The following CUZD1 variants were observed in gnomAD, a reference collection of about 807,000 sequenced individuals.
CUZD1 encodes the protein CUB and zona pellucida like domains 1, also known as CUB and zona pellucida-like domain-containing protein 1.
A neutral mutation model predicts 53.1 loss-of-function variants in CUZD1; 42 were observed. The ratio of observed to expected loss-of-function variants is 0.79; its 90% CI spans 0.62 to 1.02. The LOEUF (loss-of-function observed/expected upper bound fraction) is 1.02. Ranked by LOEUF, CUZD1 falls within the 50% of genes least tolerant of loss-of-function variation. The pLI is 0.00. For synonymous variants in CUZD1, 238 were observed against 257.2 expected, an observed-to-expected ratio of 0.93 and a Z score of 0.71; for missense variants, 670 against 715.7, an observed-to-expected ratio of 0.94 and a Z score of 0.73.
chr10:122,838,132 G>C (rs1392249285), intron 3 of CUZD1: 1 of 152,582 alleles, frequency 6.6e-6, no homozygotes, highest in Non-Finnish European at 1.5e-5. Flanking sequence ...ATGAAATGTG[G>C]AGAAACAATG....
chr10:122,841,122 C>T, intron 2 of CUZD1, 56 bp downstream of exon 2: 1 of 1,530,460 alleles, frequency 6.5e-7, no homozygotes, highest in Non-Finnish European at 8.9e-7. Context: ...CCCCTACCCA[C>T]CCCAATGTGG....
At position 122,833,795 on chromosome 10, in the gene CUZD1, A is replaced by G; in HGVS notation, c.1528T>C (p.Ser510Pro). 9 of 1,614,050 alleles carry G rather than the reference A, an allele frequency of 5.6e-6. No individual in the cohort carries two copies. The highest frequency in any genetic ancestry group is 6.8e-6 in the Non-Finnish European group (8 of 1,179,980). Reference sequence around the variant, plus strand: ...GAGACACAACCTTGATTGCAGCGAGACTGGTGGTCACTGCTATCACATATC... The same window carrying G: ...GAGACACAACCTTGATTGCAGCGAGGCTGGTGGTCACTGCTATCACATATC... ...VLICDSSDHQSRCNQGCVSRS... is the reference protein window; with the variant it reads ...VLICDSSDHQPRCNQGCVSRS... Residue 510 changes from serine (S) to proline (P), a missense_variant, in exon 8 of 9, where the codon TCT becomes CCT. Ser to Pro is a moderately conservative substitution (Grantham distance 74). Coordinates refer to ENST00000392790, the MANE Select transcript of CUZD1 (RefSeq NM_022034.6).
At position 122,834,763 on chromosome 10, in the gene CUZD1, C is replaced by T; in HGVS notation, c.1325G>A (p.Cys442Tyr). ...DPNLVVFLDT[C>Y]RASPTSDFAS... ...AAAGTCAGAGGTGGGAGAGGCTCTACAGGTATCAAGAAACACCACCAAATT... is the reference window on the plus strand; with the variant it reads ...AAAGTCAGAGGTGGGAGAGGCTCTATAGGTATCAAGAAACACCACCAAATT... Residue 442 changes from cysteine (C) to tyrosine (Y), a missense_variant, in exon 7 of 9, where the codon TGT becomes TAT. Physicochemically the swap from Cys to Tyr is radical, Grantham distance 194. Transcript: ENST00000392790. 1 of 1,613,638 alleles carries T rather than the reference C, an allele frequency of 6.2e-7. No individual in the cohort carries two copies. The highest frequency in any genetic ancestry group is 8.5e-7 in the Non-Finnish European group (1 of 1,179,746).
intron 5 of CUZD1, 75 bp downstream of exon 5, chr10:122,836,756 G>T: frequency 8.4e-7 from 1 of 1,185,802 alleles, no homozygotes; most frequent in Non-Finnish European, 1.2e-6. Flanking sequence ...CCACAGGTAG[G>T]CTAAAAATTA....
At chr10:122,842,609 TA>T (rs1847362872) in intron 1 of CUZD1, among the ~76,000 whole-genome samples, 2 of 152,220 alleles carry the variant, frequency 1.3e-5, no homozygotes, top group Non-Finnish European at 2.9e-5. Flanking sequence ...GCTTTTTCAA[TA>T]AATTTTAGAG....
intron 1 of CUZD1, among the ~76,000 whole-genome samples, chr10:122,841,702 G>A (rs1034062035): frequency 6.6e-6 from 1 of 152,190 alleles, no homozygotes; most frequent in Non-Finnish European, 1.5e-5. Context: ...ATTTGCCAGA[G>A]TAGCTGTTCT....
At position 122,842,897 on chromosome 10, in the gene CUZD1, G is replaced by C. The variant is rs79553029; in HGVS notation, c.83-1569C>G. ...CATTAGTCATCAGGGAAATACAAATGAAAACCACAACGAGATATCACTTCA... is the reference window on the plus strand; with the variant it reads ...CATTAGTCATCAGGGAAATACAAATCAAAACCACAACGAGATATCACTTCA... On this transcript the variant is annotated intron_variant, in intron 1 of 8. Transcript: ENST00000392790. Among the ~76,000 whole-genome samples the C allele has an allele frequency of 5.2e-3, 797 of 152,226 alleles. 8 individuals are homozygous for C. Among genetic ancestry groups the C allele is most frequent in the East Asian group, 0.034 (176 of 5,186 alleles).
intron 2 of CUZD1, among the ~76,000 whole-genome samples, chr10:122,839,622 T>C (rs956548880): frequency 6.6e-6 from 1 of 152,230 alleles, no homozygotes; most frequent in African/African-American, 2.4e-5. Flanking sequence ...GAAGCAACTC[T>C]TCTTCTTCCA....
chr10:122,844,042 AGG>A (rs1491538334), intron 1 of CUZD1, among the ~76,000 whole-genome samples: 3 of 149,986 alleles, frequency 2.0e-5, no homozygotes, highest in South Asian at 4.2e-4. Context: ...ATATAGAGAG[AGG>A]GACAGACAGA....
At chr10:122,844,580 G>A (rs1847404079) in intron 1 of CUZD1, among the ~76,000 whole-genome samples, 1 of 152,160 alleles carries the variant, frequency 6.6e-6, no homozygotes. Flanking sequence ...AAATTACCCG[G>A]TAAGGGGCTG....
intron 6 of CUZD1, among the ~76,000 whole-genome samples, chr10:122,835,485 A>G (rs1847235358): frequency 6.6e-6 from 1 of 152,214 alleles, no homozygotes. Context: ...AAGGGTCTGC[A>G]AGAGGAAGGC....
intron 2 of CUZD1, among the ~76,000 whole-genome samples, chr10:122,839,974 C>T (rs1349982450): frequency 2.0e-5 from 3 of 152,174 alleles, no homozygotes; most frequent in African/African-American, 7.2e-5. Context: ...CTTCTCATTA[C>T]TGTGTGAAGT....
chr10:122,835,045 G>C lies in CUZD1; in HGVS notation c.1043C>G (p.Ser348Ter). 6.2e-7 allele frequency: 1 copy of C among 1,609,542 alleles called. No homozygotes were observed. Among genetic ancestry groups the C allele is most frequent in the Non-Finnish European group, 8.5e-7 (1 of 1,177,862 alleles). ...CTGACGGGTGATCACTTCAGAAGTTGAGGATGCAGAAAAGGTGATTATATT... is the reference window on the plus strand; with the variant it reads ...CTGACGGGTGATCACTTCAGAAGTTCAGGATGCAGAAAAGGTGATTATATT... Reference protein sequence around the residue: ...YTNIITFSASSTSEVITRQKQ... With the variant: ...YTNIITFSAS Residue 348 changes from serine to a stop codon, truncating the protein, a stop_gained, in exon 7 of 9, where the codon TCA (serine) becomes TGA (stop). Coordinates refer to ENST00000392790, the MANE Select transcript of CUZD1 (RefSeq NM_022034.6). LOFTEE classifies it high-confidence loss of function.
chr10:122,837,543 A>G lies in CUZD1; in HGVS notation c.460T>C (p.Cys154Arg). The change falls in exon 4 of 9, where the codon TGT (cysteine) becomes CGT (arginine). Residue 154 changes from cysteine (C) to arginine (R), a missense_variant. Cys to Arg is a radical substitution (Grantham distance 180, BLOSUM62 -3). Coordinates refer to ENST00000392790, the MANE Select transcript of CUZD1 (RefSeq NM_022034.6). ...TCCAAGGTATCCAGGTAACCGCCAC[A>G]GTTTGGAATAGCTGAAATGGATGTG... ...FFSPNISIPNCGGYLDTLEGS... is the reference protein window; with the variant it reads ...FFSPNISIPNRGGYLDTLEGS... The G allele has an allele frequency of 1.3e-6, 2 of 1,570,644 alleles. No homozygotes were observed. Among genetic ancestry groups the G allele is most frequent in the South Asian group, 2.4e-5 (2 of 82,430 alleles).
chr10:122,833,122 C>G lies in CUZD1; in HGVS notation c.1651+550G>C, dbSNP rs74163508. Among the ~76,000 whole-genome samples the G allele has an allele frequency of 3.6e-3, 545 of 152,278 alleles. 1 individual carries two copies. Among genetic ancestry groups the G allele is most frequent in the African/African-American group, 0.012 (516 of 41,554 alleles). The stretch of plus-strand genomic sequence containing the variant: ...TAGTTTTTCTTTCATTAAGGCTTAT[C>G]TTAAGCCATTTAATTATGAACCTTC... On this transcript the variant is annotated intron_variant, in intron 8 of 8. Coordinates refer to ENST00000392790, the MANE Select transcript of CUZD1 (RefSeq NM_022034.6).
chr10:122,834,647 T>C (rs1847217609), intron 7 of CUZD1, 59 bp downstream of exon 7: 4 of 1,396,348 alleles, frequency 2.9e-6, no homozygotes, highest in Non-Finnish European at 3.8e-6. Context: ...ATTACTTTAT[T>C]GAAATTATTA....
chr10:122,832,321 T>C lies in CUZD1; in HGVS notation c.1781A>G (p.Asn594Ser), dbSNP rs1225444045. The C allele has an allele frequency of 1.2e-6, 2 of 1,614,010 alleles. No homozygotes were observed. Among genetic ancestry groups the C allele is most frequent in the African/African-American group, 2.7e-5 (2 of 74,928 alleles). ...VATITVRHFV[N>S]QRADYKYQKL... ...CTGGTATTTGTAGTCTGCCCGTTGA[T>C]TTACAAAATGCCTCACTGTGATTGT... Residue 594 changes from asparagine to serine, a missense_variant, in exon 9 of 9, where the codon AAT becomes AGT. Transcript: ENST00000392790.
chr10:122,836,432 GTAAATATA>G (rs1847252248), intron 5 of CUZD1, 82 bp from the exon 6 acceptor site: 1 of 1,214,296 alleles, frequency 8.2e-7, no homozygotes, highest in Non-Finnish European at 1.1e-6. Flanking sequence ...ACGTGTGCAA[GTAAATATA>G]TAAAAAGTCA....
intron 2 of CUZD1, among the ~76,000 whole-genome samples, chr10:122,840,288 T>A (rs1847319887): frequency 6.6e-6 from 1 of 152,152 alleles, no homozygotes; most frequent in Non-Finnish European, 1.5e-5. Context: ...ATGCAGATTC[T>A]CAGGTCCCAC....
Sources: allele counts gnomAD v4.1 joint callset (sites outside exome capture counted in the v4.1 genomes callset), GRCh38; gene constraint gnomAD v4.1.1; transcripts MANE v1.5; gene names NCBI Gene and HGNC (gene_info 2026-07-23, HGNC 2026-07-21).